The following PPM1L variants were observed in gnomAD, a reference collection of about 807,000 sequenced individuals.
PPM1L encodes the protein protein phosphatase 1L.
Under a neutral mutation model 31.4 loss-of-function variants are expected in PPM1L, and 13 were observed. The observed-to-expected ratio is 0.41, with a 90% CI of 0.27 to 0.66. The LOEUF is 0.66. Ranked by LOEUF, PPM1L falls within the 30% of genes least tolerant of loss-of-function variation. The pLI is 0.29. For synonymous variants in PPM1L, 184 were observed against 175.4 expected, an observed-to-expected ratio of 1.05 and a Z score of -0.39; for missense variants, 326 against 453.7, an observed-to-expected ratio of 0.72 and a Z score of 2.56.
In PPM1L at chr3:160,943,990, C is replaced by T. The variant is rs536517242; in HGVS notation, c.400-17746C>T. On this transcript the variant is annotated intron_variant, in intron 1 of 3. Coordinates refer to ENST00000498165, the MANE Select transcript of PPM1L (RefSeq NM_139245.4). ...AGTTTATAATTTTTCTCATCTCTTT[C>T]CATAATGCTTTATGACATCTGGAAC... 4.2e-4 allele frequency among the ~76,000 whole-genome samples: 64 copies of T among 152,240 alleles called. No homozygotes were observed. The Middle Eastern group carries it at 0.017, about 40-fold the overall frequency.
intron 1 of PPM1L, among the ~76,000 whole-genome samples, chr3:160,914,187 A>T (rs1303711319): frequency 6.6e-6 from 1 of 152,262 alleles, no homozygotes; most frequent in Non-Finnish European, 1.5e-5. Context: ...GTGACTACTA[A>T]TATGCTTGGT....
At chr3:160,906,739 A>G (rs1360757830) in intron 1 of PPM1L, among the ~76,000 whole-genome samples, 1 of 152,170 alleles carries the variant, frequency 6.6e-6, no homozygotes, top group African/African-American at 2.4e-5. Flanking sequence ...GATGGGGTGG[A>G]TTCACTTTCA....
At chr3:160,865,337 G>C (rs1201934462) in intron 1 of PPM1L, among the ~76,000 whole-genome samples, 2 of 152,352 alleles carry the variant, frequency 1.3e-5, no homozygotes, top group East Asian at 1.9e-4. Flanking sequence ...TTTTAGGGTA[G>C]ATGGAAGGTC....
intron 1 of PPM1L, among the ~76,000 whole-genome samples, chr3:160,873,429 A>G (rs547338220): frequency 6.6e-6 from 1 of 152,208 alleles, no homozygotes. Context: ...AGACTATGGA[A>G]TATTACCTGT....
chr3:160,768,749 T>C (rs758199578), intron 1 of PPM1L, among the ~76,000 whole-genome samples: 6 of 152,100 alleles, frequency 3.9e-5, no homozygotes, highest in African/African-American at 2.4e-5. Flanking sequence ...TGGGAAGTTT[T>C]TGGTTGCAAG....
intron 2 of PPM1L, among the ~76,000 whole-genome samples, chr3:161,007,642 T>G (rs78203564): frequency 0.013 from 1,983 of 152,322 alleles, 73 homozygotes; most frequent in Admixed American, 0.072. Flanking sequence ...TATGATTTAT[T>G]TATTTTTTTA....
At chr3:160,903,426 A>T (rs1713629715) in intron 1 of PPM1L, among the ~76,000 whole-genome samples, 1 of 151,986 alleles carries the variant, frequency 6.6e-6, no homozygotes, top group Admixed American at 6.6e-5. Context: ...GATGGATAAG[A>T]CTCACCCATA....
intron 1 of PPM1L, among the ~76,000 whole-genome samples, chr3:160,812,370 C>A (rs1712839411): frequency 6.6e-6 from 1 of 152,164 alleles, no homozygotes; most frequent in South Asian, 2.1e-4. Flanking sequence ...AACCATTGTT[C>A]CTTTTTCTTT....
rs1314129363 is a variant in PPM1L, at chr3:161,073,215, T to C, written c.*4058T>C. On this transcript the variant is annotated 3_prime_UTR_variant, in exon 4 of 4. Transcript: ENST00000498165. ...AGCACATCAAAGGCTCTAATTTAAA[T>C]GTCCTGTGAGGAGAGAAAAACACAA... 2 of 152,224 alleles carry C rather than the reference T, an allele frequency of 1.3e-5. No homozygotes were observed. Among genetic ancestry groups the C allele is most frequent in the African/African-American group, 4.8e-5 (2 of 41,464 alleles). 9.4% of individuals were successfully genotyped at this position (152,224 alleles called of 1,614,324 possible).
intron 1 of PPM1L, among the ~76,000 whole-genome samples, chr3:160,843,252 A>G (rs2108106375): frequency 6.6e-6 from 1 of 151,604 alleles, no homozygotes; most frequent in African/African-American, 2.4e-5. Flanking sequence ...TATTAGCAAT[A>G]GAAATTGTGG....
chr3:160,823,196 A>G (rs1219302594), intron 1 of PPM1L, among the ~76,000 whole-genome samples: 3 of 151,874 alleles, frequency 2.0e-5, no homozygotes, highest in Admixed American at 6.6e-5. Context: ...ATTTATAGGA[A>G]ACTGGTTAAT....
chr3:161,044,045 T>C (rs1718985433), intron 2 of PPM1L, among the ~76,000 whole-genome samples: 1 of 152,202 alleles, frequency 6.6e-6, no homozygotes, highest in Admixed American at 6.5e-5. Flanking sequence ...TATTGCTCTG[T>C]GTATGTTTTT....
chr3:160,922,099 A>G (rs1384213183), intron 1 of PPM1L, among the ~76,000 whole-genome samples: 2 of 152,166 alleles, frequency 1.3e-5, no homozygotes, highest in Non-Finnish European at 2.9e-5. Flanking sequence ...TCACGAGGTC[A>G]GGAGATCAAG....
intron 1 of PPM1L, among the ~76,000 whole-genome samples, chr3:160,947,650 C>T (rs1715452244): frequency 6.6e-6 from 1 of 152,124 alleles, no homozygotes; most frequent in African/African-American, 2.4e-5. Flanking sequence ...TCTGCCCACT[C>T]CCCAAGAACA....
intron 2 of PPM1L, among the ~76,000 whole-genome samples, chr3:161,004,367 G>A (rs1717625666): frequency 1.6e-5 from 2 of 121,518 alleles, no homozygotes; most frequent in Admixed American, 8.8e-5. Context: ...AATGAGTTAG[G>A]GAGGATTCCC....
At chr3:160,987,438 A>C (rs1233207049) in intron 2 of PPM1L, among the ~76,000 whole-genome samples, 3 of 152,184 alleles carry the variant, frequency 2.0e-5, no homozygotes, top group Non-Finnish European at 4.4e-5. Context: ...GGCAAACTAC[A>C]TATATATTTC....
Position 160,828,725 on chromosome 3 carries a change from A to C in PPM1L, c.399+72018A>C, listed in dbSNP as rs562793266. Among the ~76,000 whole-genome samples, 3 of 152,058 alleles carry C rather than the reference A, an allele frequency of 2.0e-5. No individual in the cohort carries two copies. The South Asian group carries it at 6.2e-4, about 32-fold the overall frequency. ...GCACAGCTCTTGCGTCTCCTGCATT[A>C]TTTCCTTAGACTCCATAACCTGCTC... On this transcript the variant is annotated intron_variant, in intron 1 of 3. Transcript: ENST00000498165.
At chr3:160,925,247 T>C (rs1335268377) in intron 1 of PPM1L, among the ~76,000 whole-genome samples, 1 of 152,186 alleles carries the variant, frequency 6.6e-6, no homozygotes, top group Non-Finnish European at 1.5e-5. Context: ...AAGTGTCACA[T>C]TTATATGCGC....
At chr3:160,850,053 T>C (rs1714216779) in intron 1 of PPM1L, among the ~76,000 whole-genome samples, 1 of 152,184 alleles carries the variant, frequency 6.6e-6, no homozygotes, top group Non-Finnish European at 1.5e-5. Flanking sequence ...AAGACTGCCC[T>C]TATTTCAGAC....
Sources: gnomAD v4.1 joint callset for allele counts (sites outside exome capture counted in the v4.1 genomes callset) on GRCh38, gnomAD v4.1.1 for gene constraint, MANE v1.5 for transcripts, NCBI Gene and HGNC (gene_info 2026-07-23, HGNC 2026-07-21) for gene names.